The following WDR36 variants were observed in gnomAD, a reference collection of about 807,000 sequenced individuals.
The protein encoded by WDR36 is WD repeat domain 36, also known as WD repeat-containing protein 36.
In WDR36, 63 loss-of-function variants were observed where a neutral mutation model predicts 112.7. The ratio of observed to expected loss-of-function variants is 0.56; its 90% CI spans 0.46 to 0.69. The LOEUF is 0.69. Ranked by LOEUF, WDR36 falls within the 30% of genes least tolerant of loss-of-function variation. The pLI is 0.00. For synonymous variants in WDR36, 410 were observed against 362.2 expected, an observed-to-expected ratio of 1.13 and a Z score of -1.50; for missense variants, 1,226 against 1,070.3, an observed-to-expected ratio of 1.15 and a Z score of -2.03.
At position 111,104,270 on chromosome 5, in the gene WDR36, C is replaced by T. The variant is rs1753178283; in HGVS notation, c.824C>T (p.Ala275Val). 7 of 1,611,986 alleles carry T rather than the reference C, an allele frequency of 4.3e-6. No individual in the cohort carries two copies. In the South Asian group the frequency reaches 4.4e-5, roughly 10 times the overall value. Reference sequence around the variant, plus strand: ...AAATTAATCAACCAAATGAGAAATGCACACTCTACAGCAATTGCCGGACTG... The same window carrying T: ...AAATTAATCAACCAAATGAGAAATGTACACTCTACAGCAATTGCCGGACTG... ...DKKLINQMRN[A>V]HSTAIAGLTF... Residue 275 changes from alanine (A) to valine (V), a missense_variant, in exon 8 of 23, where the codon GCA becomes GTA. Ala to Val is a moderately conservative substitution (Grantham distance 64). Coordinates refer to ENST00000513710, the MANE Select transcript of WDR36 (RefSeq NM_139281.3).
chr5:111,092,809 G>A (rs1580387418), intron 1 of WDR36, among the ~76,000 whole-genome samples, 191 bp downstream of exon 1: 1 of 152,260 alleles, frequency 6.6e-6, no homozygotes, highest in Non-Finnish European at 1.5e-5. Flanking sequence ...CTCCTGGGGC[G>A]TGTTTCAGAG....
chr5:111,111,262 G>A lies in WDR36; in HGVS notation c.1700G>A (p.Gly567Asp), dbSNP rs543026736. Residue 567 changes from glycine to aspartate, a missense_variant, in exon 15 of 23, where the codon GGC (glycine) becomes GAC (aspartate). Coordinates refer to ENST00000513710, the MANE Select transcript of WDR36 (RefSeq NM_139281.3). ...GTCAGAGAGTTTTCTGGACACCAAG[G>A]CCAAATAAATGACATGGTAAAACAA... is the stretch of plus-strand genomic sequence containing the variant. ...KIVREFSGHQ[G>D]QINDMAFSPD... 55 of 1,611,118 alleles carry A rather than the reference G, an allele frequency of 3.4e-5. 2 individuals are homozygous for A. Among genetic ancestry groups the A allele is most frequent in the South Asian group, 3.4e-4 (31 of 91,040 alleles).
chr5:111,107,626 A>G (rs570613618), intron 12 of WDR36, among the ~76,000 whole-genome samples, 187 bp downstream of exon 12: 1 of 151,452 alleles, frequency 6.6e-6, no homozygotes, highest in South Asian at 2.1e-4. Context: ...TTTAGCTCTT[A>G]TATTTAGATT....
intron 5 of WDR36, among the ~76,000 whole-genome samples, chr5:111,101,951 G>C (rs1753129026): frequency 6.6e-6 from 1 of 151,586 alleles, no homozygotes; most frequent in African/African-American, 2.4e-5. Flanking sequence ...CAGCATTACT[G>C]TTGTCATATA....
rs772432901 is a variant in WDR36, at chr5:111,110,781, C to T, written c.1442-7C>T. ...ATTTTTTTTTTCTTTTGACATCTAC[C>T]TTACAGCTCACAAGGGATCTGTTAG... On this transcript the variant is annotated splice_polypyrimidine_tract_variant and splice_region_variant and intron_variant, in intron 13 of 22. Transcript: ENST00000513710. 21 of 1,609,480 alleles carry T rather than the reference C, an allele frequency of 1.3e-5. No individual in the cohort carries two copies. The Admixed American group carries it at 1.5e-4, about 12-fold the overall frequency.
In WDR36 at chr5:111,105,299, A is replaced by G. The variant is rs80082101; in HGVS notation, c.1032A>G (p.Gln344=). 4.3e-6 allele frequency: 7 copies of G among 1,609,840 alleles called. No individual in the cohort carries two copies. The African/African-American group carries it at 6.7e-5, about 15-fold the overall frequency. ...QNGQQILSAS[Q]DGTLQSFSTV... ...ATTTTCTGTGTATATCAACAGGTCAAGATGGAACTCTTCAGTCATTTTCCA... is the reference window on the plus strand; with the variant it reads ...ATTTTCTGTGTATATCAACAGGTCAGGATGGAACTCTTCAGTCATTTTCCA... Residue 344 remains glutamine (Q), a synonymous_variant, in exon 10 of 23, where the codon CAA becomes CAG. Coordinates refer to ENST00000513710, the MANE Select transcript of WDR36 (RefSeq NM_139281.3).
In WDR36 at chr5:111,107,300, C is replaced by T. The variant is rs1753239027; in HGVS notation, c.1187C>T (p.Ala396Val). Reference protein sequence around the residue: ...PPITKFAAEEARESDWDGIIA... With the variant: ...PPITKFAAEEVRESDWDGIIA... ...GATTTTCATTACGTTTTAGAGGAAGCTCGTGAAAGTGACTGGGATGGTATC... is the reference window on the plus strand; with the variant it reads ...GATTTTCATTACGTTTTAGAGGAAGTTCGTGAAAGTGACTGGGATGGTATC... The change falls in exon 12 of 23, where the codon GCT (alanine) becomes GTT (valine). Residue 396 changes from alanine (A) to valine (V), a missense_variant. Physicochemically the swap from Ala to Val is moderately conservative, Grantham distance 64. Coordinates refer to ENST00000513710, the MANE Select transcript of WDR36 (RefSeq NM_139281.3). 6.2e-7 allele frequency: 1 copy of T among 1,609,638 alleles called. No homozygotes were observed.
At position 111,126,892 on chromosome 5, in the gene WDR36, T is replaced by G. The variant is rs759942532; in HGVS notation, c.*9T>G. ...AAAGTGCTTTGTTGTAAAAATAAAT[T>G]TGTGACTAAACAAAGACTTTCATAT... On this transcript the variant is annotated 3_prime_UTR_variant, in exon 23 of 23. Transcript: ENST00000513710. 1.9e-6 allele frequency: 3 copies of G among 1,587,768 alleles called. No individual in the cohort carries two copies. In the African/African-American group the frequency reaches 4.1e-5, roughly 21 times the overall value.
Position 111,113,046 on chromosome 5 carries a change from ATATATATT to A in WDR36, c.1717-26_1717-19del. ...ATTTATATATAAATAATATATATAT[ATATATATT>A]TTTTTTTTTTAATTTAAAGGCTTTT... On this transcript the variant is annotated intron_variant, in intron 15 of 22. Transcript: ENST00000513710. 2.6e-5 allele frequency: 11 copies of A among 429,028 alleles called. 1 individual carries two copies. Among genetic ancestry groups the A allele is most frequent in the South Asian group, 4.7e-5 (1 of 21,132 alleles). 26.6% of individuals were successfully genotyped at this position (429,028 alleles called of 1,614,324 possible).
chr5:111,102,968 C>A (rs747850330), intron 6 of WDR36, among the ~76,000 whole-genome samples: 3 of 151,564 alleles, frequency 2.0e-5, no homozygotes, highest in Admixed American at 6.6e-5. Context: ...ATTGTCTATA[C>A]TTGCCCAATT....
In WDR36 at chr5:111,092,669, C is replaced by G. The variant is rs761888695; in HGVS notation, c.162+51C>G. On this transcript the variant is annotated intron_variant, in intron 1 of 22. Transcript: ENST00000513710. The stretch of plus-strand genomic sequence containing the variant: ...CCAGGAAAACCACCCTCCTTGGCCT[C>G]TAACTCTGTCCTGGAGCAGTCCGGT... 1.0e-5 allele frequency: 16 copies of G among 1,569,618 alleles called. No individual in the cohort carries two copies. The African/African-American group carries it at 1.9e-4, about 18-fold the overall frequency.
chr5:111,112,529 A>T (rs1394454906), intron 15 of WDR36, among the ~76,000 whole-genome samples: 2 of 152,016 alleles, frequency 1.3e-5, no homozygotes, highest in Non-Finnish European at 2.9e-5. Flanking sequence ...TTCACCTGTG[A>T]TCTGGTTTGT....
At chr5:111,110,422 A>G in intron 13 of WDR36, 119 bp downstream of exon 13, 1 of 829,698 alleles carries the variant, frequency 1.2e-6, no homozygotes, top group African/African-American at 1.7e-5. Flanking sequence ...ATGGGTTATA[A>G]TCAACCCTAT....
rs992844436 is a variant in WDR36, at chr5:111,100,644, G to T, written c.465G>T (p.Leu155Phe). 6 of 1,604,142 alleles carry T rather than the reference G, an allele frequency of 3.7e-6. No individual in the cohort carries two copies. The highest frequency in any genetic ancestry group is 5.1e-6 in the Non-Finnish European group (6 of 1,173,970). The change falls in exon 5 of 23, where the codon TTG (leucine) becomes TTT (phenylalanine). Residue 155 changes from leucine to phenylalanine, a missense_variant. By Grantham distance (22) the Leu-to-Phe change is conservative. Coordinates refer to ENST00000513710, the MANE Select transcript of WDR36 (RefSeq NM_139281.3). Reference sequence around the variant, plus strand: ...CAGTATTTAAAATTTCTGCAATTTTGCATCCAAGTACCTACTTGAATAAAA... The same window carrying T: ...CAGTATTTAAAATTTCTGCAATTTTTCATCCAAGTACCTACTTGAATAAAA... ...DKSVFKISAI[L>F]HPSTYLNKIL...
intron 4 of WDR36, among the ~76,000 whole-genome samples, chr5:111,099,451 GTTTTTTTTTTTGTTTTTTTT>G (rs1753069300): frequency 3.6e-5 from 2 of 55,640 alleles, no homozygotes; most frequent in African/African-American, 1.2e-4. Flanking sequence ...GTTTTTTTTT[GTTTTTTTTTTTGTTTTTTTT>G]TTTTTTTTTT....
At chr5:111,098,903 T>A in intron 4 of WDR36, 64 bp downstream of exon 4, 1 of 1,187,254 alleles carries the variant, frequency 8.4e-7, no homozygotes, top group Admixed American at 1.7e-5. Context: ...AAATTTAAAA[T>A]CTATGTAAAC....
intron 15 of WDR36, among the ~76,000 whole-genome samples, chr5:111,111,840 A>T (rs1178775695): frequency 6.6e-6 from 1 of 151,918 alleles, no homozygotes; most frequent in African/African-American, 2.4e-5. Flanking sequence ...AACTTTTAAA[A>T]TAAATTTGTC....
In WDR36 at chr5:111,093,085, G is replaced by A. The variant is rs560390633; in HGVS notation, c.162+467G>A. Among the ~76,000 whole-genome samples the A allele has an allele frequency of 1.6e-4, 24 of 152,352 alleles. 1 individual carries two copies. Among genetic ancestry groups the A allele is most frequent in the African/African-American group, 5.8e-4 (24 of 41,582 alleles). ...TTACCGTTAGGGAAAATATCTAATA[G>A]CAATCAGTTATTTTCAACTAACGCA... On this transcript the variant is annotated intron_variant, in intron 1 of 22. Coordinates refer to ENST00000513710, the MANE Select transcript of WDR36 (RefSeq NM_139281.3).
At position 111,129,474 on chromosome 5, in the gene WDR36, TGAA is replaced by T. The variant is rs1346687822; in HGVS notation, c.*2594_*2596del. On this transcript the variant is annotated 3_prime_UTR_variant, in exon 23 of 23. Transcript: ENST00000513710. Reference sequence around the variant, plus strand: ...TTTTAAATCAGAAATTTCTCACTAGTGAAGATGGACATATTTTTGTATGTTTAT... The same window carrying T: ...TTTTAAATCAGAAATTTCTCACTAGTGATGGACATATTTTTGTATGTTTAT... 1 of 192,842 alleles carries T rather than the reference TGAA, an allele frequency of 5.2e-6. No individual in the cohort carries two copies. The highest frequency in any genetic ancestry group is 1.1e-5 in the Non-Finnish European group (1 of 92,376). The allele number at this position is 192,842 out of a possible 1,614,324, so 11.9% of individuals were successfully genotyped here.
Sources: gnomAD v4.1 joint callset for allele counts (sites outside exome capture counted in the v4.1 genomes callset) on GRCh38, gnomAD v4.1.1 for gene constraint, MANE v1.5 for transcripts, NCBI Gene and HGNC (gene_info 2026-07-23, HGNC 2026-07-21) for gene names.